The following NCOA5 variants were observed in gnomAD, a reference collection of about 807,000 sequenced individuals.
The protein encoded by NCOA5 is NCoA-5.
In NCOA5, 12 loss-of-function variants were observed where a neutral mutation model predicts 59.0. The ratio of observed to expected loss-of-function variants is 0.20; its 90% confidence interval spans 0.13 to 0.33. NCOA5 has a LOEUF of 0.33. NCOA5 is among the 10% of genes least tolerant of loss of function. The pLI is 1.00. For missense variants in NCOA5, 655 were observed against 766.6 expected (o/e 0.85, Z 1.72); for synonymous variants, 270 against 275.5 (o/e 0.98, Z 0.20).
intron 5 of NCOA5, among the ~76,000 whole-genome samples, chr20:46,066,015 A>C (rs183774347): frequency 6.6e-6 from 1 of 152,340 alleles, no homozygotes; most frequent in Non-Finnish European, 1.5e-5. Context: ...AAAGCTCTCT[A>C]GAGTTAAAAG....
intron 1 of NCOA5, among the ~76,000 whole-genome samples, chr20:46,081,375 T>C (rs1330066632): frequency 1.3e-5 from 2 of 152,108 alleles, no homozygotes; most frequent in Admixed American, 6.5e-5. Flanking sequence ...TTCGTGAGCA[T>C]CTACATACAG....
At chr20:46,072,403 C>T (rs897311494) in intron 2 of NCOA5, among the ~76,000 whole-genome samples, 4 of 152,112 alleles carry the variant, frequency 2.6e-5, no homozygotes, top group Admixed American at 6.5e-5. Context: ...GGTGGGATCA[C>T]GGAACACTAC....
rs369032369 is a variant in NCOA5, at chr20:46,065,093, G to A, written c.765C>T (p.Val255=). The change falls in exon 6 of 8, where the codon GTC becomes GTT. Residue 255 remains valine (V), a synonymous_variant. Transcript: ENST00000290231. ...VSRGGSPFAI[V]ITQQHQIHRS... ...GGTGAATCTGGTGTTGCTGGGTGAT[G>A]ACAATAGCAAAAGGAGAACCTCCCC... The A allele has an allele frequency of 1.4e-5, 22 of 1,614,162 alleles. No homozygotes were observed. In the African/African-American group the frequency reaches 2.4e-4, roughly 18 times the overall value.
At chr20:46,074,133 A>C (rs1164318030) in intron 2 of NCOA5, among the ~76,000 whole-genome samples, 1 of 152,156 alleles carries the variant, frequency 6.6e-6, no homozygotes, top group Non-Finnish European at 1.5e-5. Context: ...TCTTCTGGAG[A>C]CGAAAACAAA....
At position 46,070,394 on chromosome 20, in the gene NCOA5, G is replaced by C. The variant is rs779145499; in HGVS notation, c.181C>G (p.Arg61Gly). ...AAATCTCTACTATGTCTGTGGTCCC[G>C]CAAGTCTCGGGGGTCTCGAATGTCT... Reference protein sequence around the residue: ...SRDIRDPRDLRDHRHSRDLRD... With the variant: ...SRDIRDPRDLGDHRHSRDLRD... Residue 61 changes from arginine to glycine, a missense_variant, in exon 3 of 8, where the codon CGG (arginine) becomes GGG (glycine). Coordinates refer to ENST00000290231, the MANE Select transcript of NCOA5 (RefSeq NM_020967.3). 1 of 1,613,528 alleles carries C rather than the reference G, an allele frequency of 6.2e-7. No homozygotes were observed. The highest frequency in any genetic ancestry group is 8.5e-7 in the Non-Finnish European group (1 of 1,179,900).
At chr20:46,070,781 A>G (rs937881992) in intron 2 of NCOA5, among the ~76,000 whole-genome samples, 9 of 152,320 alleles carry the variant, frequency 5.9e-5, no homozygotes, top group East Asian at 1.9e-4. Context: ...TTTTGACTGG[A>G]TAACAGTATT....
At chr20:46,066,780 G>C (rs1214352856) in intron 5 of NCOA5, among the ~76,000 whole-genome samples, 12 of 152,212 alleles carry the variant, frequency 7.9e-5, no homozygotes, top group Admixed American at 7.9e-4. Context: ...ACAGTGCTTA[G>C]AGACTAACAC....
At chr20:46,075,488 C>T (rs367649918) in intron 2 of NCOA5, among the ~76,000 whole-genome samples, 12 of 152,152 alleles carry the variant, frequency 7.9e-5, no homozygotes, top group African/African-American at 1.4e-4. Flanking sequence ...TCTGATGAGC[C>T]GATACCCAAT....
intron 3 of NCOA5, 100 bp downstream of exon 3, chr20:46,070,110 G>C (rs2082618917): frequency 5.5e-6 from 5 of 914,824 alleles, no homozygotes; most frequent in Admixed American, 2.6e-5. Context: ...AGAAATAAAA[G>C]GCTGATAAAA....
intron 2 of NCOA5, among the ~76,000 whole-genome samples, chr20:46,075,907 T>C (rs80311035): frequency 6.6e-6 from 1 of 152,356 alleles, no homozygotes; most frequent in East Asian, 1.9e-4. Flanking sequence ...TGCAGAGTTC[T>C]GTGCTTGGCT....
At chr20:46,065,288 A>C in intron 5 of NCOA5, 60 bp from the exon 6 acceptor site, 1,331 of 1,532,084 alleles carry the variant, frequency 8.7e-4, no homozygotes, top group Non-Finnish European at 1.1e-3. Flanking sequence ...CGTGTGTCTC[A>C]AGCCAGTTGT....
rs564307214 is a variant in NCOA5 at position 46,088,460 on chromosome 20, A to G, written c.-30+1357T>C. 3.3e-5 allele frequency among the ~76,000 whole-genome samples: 5 copies of G among 152,372 alleles called. No individual in the cohort carries two copies. The South Asian group carries it at 8.3e-4, about 25-fold the overall frequency. ...CAAAGCATGGGCTTTACTGGTTGCA[A>G]AAAGTAGACACAAAGTTAGTTTTCA... On this transcript the variant is annotated intron_variant, in intron 1 of 7. Coordinates refer to ENST00000290231, the MANE Select transcript of NCOA5 (RefSeq NM_020967.3).
rs561720404 is a variant in NCOA5, at chr20:46,070,926, T to C, written c.39-390A>G. ...AAAAAGAGCGAATGGCACAATCTTA[T>C]AAAAGTGATCAAAGGAACTGTCCTT... is the stretch of plus-strand genomic sequence containing the variant. On this transcript the variant is annotated intron_variant, in intron 2 of 7. Coordinates refer to ENST00000290231, the MANE Select transcript of NCOA5 (RefSeq NM_020967.3). 2.0e-5 allele frequency among the ~76,000 whole-genome samples: 3 copies of C among 152,222 alleles called. No homozygotes were observed. In the East Asian group the frequency reaches 5.8e-4, roughly 29 times the overall value.
rs971235943 is a variant in NCOA5 at position 46,062,086 on chromosome 20, A to G, written c.*214T>C. On this transcript the variant is annotated 3_prime_UTR_variant, in exon 8 of 8. Coordinates refer to ENST00000290231, the MANE Select transcript of NCOA5 (RefSeq NM_020967.3). The stretch of plus-strand genomic sequence containing the variant: ...AGATATTTATTTTCTACAAAACAAA[A>G]AACAAAAAAAGATACAGCCCCAAAT... 4.2e-6 allele frequency: 2 copies of G among 471,226 alleles called. No individual in the cohort carries two copies. Among genetic ancestry groups the G allele is most frequent in the South Asian group, 4.8e-5 (1 of 20,860 alleles). The allele number at this position is 471,226 out of a possible 1,614,324, so 29.2% of individuals were successfully genotyped here. A position where few individuals can be genotyped will look rare whatever the true frequency, so the allele number is the denominator to read the frequency against.
chr20:46,077,241 C>G (rs2084947462), intron 2 of NCOA5, among the ~76,000 whole-genome samples: 1 of 152,142 alleles, frequency 6.6e-6, no homozygotes, highest in Non-Finnish European at 1.5e-5. Context: ...CTCTCCAGTG[C>G]TGTCTGTATG....
chr20:46,075,733 G>C (rs2084931196), intron 2 of NCOA5, among the ~76,000 whole-genome samples: 1 of 152,196 alleles, frequency 6.6e-6, no homozygotes, highest in Non-Finnish European at 1.5e-5. Context: ...AGGCACAACT[G>C]GAATCATGAT....
rs1416134032 is a variant in NCOA5 at position 46,061,835 on chromosome 20, G to A, written c.*465C>T. ...ACACTGTGCCTGCCAAGGCCAGTTT[G>A]CTTTTCTTCAACTCTAGGCAGGAGT... On this transcript the variant is annotated 3_prime_UTR_variant, in exon 8 of 8. Coordinates refer to ENST00000290231, the MANE Select transcript of NCOA5 (RefSeq NM_020967.3). 1.3e-5 allele frequency: 2 copies of A among 155,528 alleles called. No homozygotes were observed. Among genetic ancestry groups the A allele is most frequent in the Non-Finnish European group, 2.9e-5 (2 of 70,164 alleles). 9.6% of individuals were successfully genotyped at this position (155,528 alleles called of 1,614,324 possible). A position where few individuals can be genotyped will look rare whatever the true frequency, so the allele number is the denominator to read the frequency against.
chr20:46,086,828 T>A (rs1568889862), intron 1 of NCOA5, among the ~76,000 whole-genome samples: 1 of 152,192 alleles, frequency 6.6e-6, no homozygotes, highest in Admixed American at 6.5e-5. Flanking sequence ...AAAATATTCA[T>A]GAGAGGATAG....
In NCOA5 at chr20:46,067,112, C is replaced by T. The variant is rs780549382; in HGVS notation, c.572G>A (p.Arg191His). 11 of 1,614,038 alleles carry T rather than the reference C, an allele frequency of 6.8e-6. No individual in the cohort carries two copies. The highest frequency in any genetic ancestry group is 4.4e-5 in the South Asian group (4 of 91,080). ...YRQYFEEIQR[R>H]FDAERPVDCS... ...ATCAACGGGCCTTTCGGCATCAAAG[C>T]GTCTCTGGATTTCCTCAAAATATTG... Residue 191 changes from arginine to histidine, a missense_variant, in exon 5 of 8, where the codon CGC becomes CAC. Around this residue, in one of 3 missense-constraint regions of NCOA5, gnomAD observed 80 missense variants for 153.3 expected, o/e 0.52. Transcript: ENST00000290231.
Sources: gnomAD v4.1 joint callset for allele counts (sites outside exome capture counted in the v4.1 genomes callset) on GRCh38, gnomAD v4.1.1 for gene constraint, gnomAD v4.1.1 regional missense constraint, MANE v1.5 for transcripts, NCBI Gene and HGNC (gene_info 2026-07-23, HGNC 2026-07-21) for gene names.